MTOR: variants seen among roughly 807,000 people sequenced by gnomAD.
MTOR encodes the protein mechanistic target of rapamycin kinase, also known as serine/threonine-protein kinase mTOR.
MTOR carries 70 observed loss-of-function variants against 319.8 expected under a neutral mutation model. That is an observed-to-expected ratio of 0.22 (90% CI 0.18 to 0.27). MTOR has a LOEUF of 0.27. Among genes scored for constraint, MTOR ranks in the 10% least tolerant of loss-of-function variants. The pLI is 1.00. For synonymous variants in MTOR, 1,183 were observed against 1,211.4 expected (o/e 0.98, Z 0.49); for missense variants, 1,890 against 3,274.4 (o/e 0.58, Z 10.32).
rs924522457 is a variant in MTOR at position 11,189,422 on chromosome 1, G to A, written c.4253+9836C>T. The A allele has an allele frequency of 1.1e-5, 10 of 923,388 alleles. No homozygotes were observed. In the African/African-American group the frequency reaches 1.3e-4, roughly 12 times the overall value. 57.2% of individuals were successfully genotyped at this position (923,388 alleles called of 1,614,324 possible). A position where few individuals can be genotyped will look rare whatever the true frequency, so the allele number is the denominator to read the frequency against. On this transcript the variant is annotated intron_variant, in intron 28 of 57. Coordinates refer to ENST00000361445, the MANE Select transcript of MTOR (RefSeq NM_004958.4). ...GTCAGAGACTCAAGCTTTGAGAAAG[G>A]CTAGCAAAGAGCAAGGAAAGAGAGA... is the stretch of plus-strand genomic sequence containing the variant.
At chr1:11,148,852 C>T (rs933817653) in intron 31 of MTOR, among the ~76,000 whole-genome samples, 7 of 151,610 alleles carry the variant, frequency 4.6e-5, no homozygotes, top group Non-Finnish European at 8.8e-5. Context: ...GAGCCGAGAT[C>T]GTGCCACTGC....
intron 57 of MTOR, among the ~76,000 whole-genome samples, chr1:11,107,792 G>T (rs748318509): frequency 1.3e-5 from 2 of 152,160 alleles, no homozygotes; most frequent in Non-Finnish European, 2.9e-5. Context: ...TAGACTCCCA[G>T]ATCATAAATC....
At chr1:11,145,279 G>A (rs1027892953) in intron 32 of MTOR, 3 of 533,358 alleles carry the variant, frequency 5.6e-6, no homozygotes, top group Middle Eastern at 4.5e-4. Context: ...ATCTATCTAA[G>A]GTAACACACA....
intron 28 of MTOR, chr1:11,189,588 A>C: frequency 1.2e-6 from 2 of 1,601,220 alleles, no homozygotes; most frequent in Non-Finnish European, 8.5e-7. Flanking sequence ...AGATGCTGAA[A>C]AAGCCTCTCT....
At position 11,248,963 on chromosome 1, in the gene MTOR, C is replaced by T. The variant is rs1011920775; in HGVS notation, c.841-869G>A. ...ATCCTGAGTCAGGCGCAAGGGCTCA[C>T]GCCTGTAATCCCAGCACTTTGGGAG... On this transcript the variant is annotated intron_variant, in intron 6 of 57. Transcript: ENST00000361445. Among the ~76,000 whole-genome samples the T allele has an allele frequency of 3.9e-5, 6 of 151,918 alleles. No individual in the cohort carries two copies. In the South Asian group the frequency reaches 6.2e-4, roughly 16 times the overall value.
chr1:11,162,186 G>A (rs565584319), intron 29 of MTOR, among the ~76,000 whole-genome samples: 3 of 152,338 alleles, frequency 2.0e-5, no homozygotes, highest in Admixed American at 1.3e-4. Flanking sequence ...GGGTATCAGT[G>A]ACTGAAGATC....
In MTOR at chr1:11,121,202, G is replaced by A. The variant is rs1270093552; in HGVS notation, c.6933+44C>T. The A allele has an allele frequency of 8.7e-6, 14 of 1,607,914 alleles. No homozygotes were observed. Among genetic ancestry groups the A allele is most frequent in the Non-Finnish European group, 1.2e-5 (14 of 1,179,168 alleles). On this transcript the variant is annotated intron_variant, in intron 49 of 57. Coordinates refer to ENST00000361445, the MANE Select transcript of MTOR (RefSeq NM_004958.4). The surrounding 1 kb of genome is among the most constrained non-coding windows in gnomAD (Gnocchi z 4.9). ...ATGGGAGGGCCATCCTATTGCGAGT[G>A]GGGGTTCCAGGAGAGCGCAGGTCTG...
intron 18 of MTOR, among the ~76,000 whole-genome samples, 197 bp downstream of exon 18, chr1:11,230,728 G>A (rs1288267957): frequency 6.6e-6 from 1 of 152,178 alleles, no homozygotes; most frequent in African/African-American, 2.4e-5. Flanking sequence ...AGACAGACAT[G>A]AGGACTCTGG....
At chr1:11,122,899 G>C (rs1000825095) in intron 47 of MTOR, among the ~76,000 whole-genome samples, 4 of 152,208 alleles carry the variant, frequency 2.6e-5, no homozygotes, top group Non-Finnish European at 5.9e-5. Flanking sequence ...ATCACAGAAA[G>C]ACAGTGCACT....
chr1:11,234,048 G>A (rs1308281921), intron 14 of MTOR, 95 bp downstream of exon 14: 1 of 1,553,372 alleles, frequency 6.4e-7, no homozygotes. Context: ...CACCTACTTT[G>A]TTCAGTGTAC....
In MTOR at chr1:11,122,627, C is replaced by T. The variant is rs370726105; in HGVS notation, c.6663-501G>A. ...GGTTCACGCGATTCTCCTGCGTCAGCCTCCCGAGTAGCTGGGATTACAGAT... is the reference window on the plus strand; with the variant it reads ...GGTTCACGCGATTCTCCTGCGTCAGTCTCCCGAGTAGCTGGGATTACAGAT... On this transcript the variant is annotated intron_variant, in intron 47 of 57. Coordinates refer to ENST00000361445, the MANE Select transcript of MTOR (RefSeq NM_004958.4). 1.7e-4 allele frequency among the ~76,000 whole-genome samples: 26 copies of T among 151,886 alleles called. No individual in the cohort carries two copies. The South Asian group carries it at 5.2e-3, about 30-fold the overall frequency.
At chr1:11,167,626 G>A in intron 28 of MTOR, 109 bp from the exon 29 acceptor site, 1 of 790,096 alleles carries the variant, frequency 1.3e-6, no homozygotes. Flanking sequence ...ACAATGTCTT[G>A]CAGATGCTGA....
At chr1:11,249,562 G>T (rs1186231831) in intron 6 of MTOR, among the ~76,000 whole-genome samples, 3 of 145,018 alleles carry the variant, frequency 2.1e-5, no homozygotes, top group African/African-American at 7.5e-5. Flanking sequence ...AGAGGACCCT[G>T]CGGCCTTCCG....
intron 47 of MTOR, 72 bp downstream of exon 47, chr1:11,124,426 A>T (rs2100380063): frequency 6.4e-7 from 1 of 1,557,470 alleles, no homozygotes; most frequent in African/African-American, 1.4e-5. Context: ...ATAATACATG[A>T]CTACACGAGA....
chr1:11,212,223 G>T lies in MTOR; in HGVS notation c.3561+89C>A, dbSNP rs1646335977. 1 of 1,425,090 alleles carries T rather than the reference G, an allele frequency of 7.0e-7. No individual in the cohort carries two copies. Among genetic ancestry groups the T allele is most frequent in the Admixed American group, 2.3e-5 (1 of 43,912 alleles). 88.3% of individuals were successfully genotyped at this position (1,425,090 alleles called of 1,614,324 possible). On this transcript the variant is annotated intron_variant, in intron 23 of 57. Transcript: ENST00000361445. This position sits in a 1 kb window ranked among gnomAD's most constrained non-coding sequence, Gnocchi z 4.1. ...ATTCCACGTTCTCTGATGGTGGCTG[G>T]CATCAGACAAAGTCTGAGTGGCTCA...
rs149451678 is a variant in MTOR at position 11,139,124 on chromosome 1, C to G, written c.5130+180G>C. Reference sequence around the variant, plus strand: ...ATCAATGGTATACACACCATCTCCTCAACTATGATTCACTCTATGAAATCA... The same window carrying G: ...ATCAATGGTATACACACCATCTCCTGAACTATGATTCACTCTATGAAATCA... On this transcript the variant is annotated intron_variant, in intron 36 of 57. Transcript: ENST00000361445. The G allele has an allele frequency of 1.3e-4, 94 of 750,872 alleles. No homozygotes were observed. In the African/African-American group the frequency reaches 1.5e-3, roughly 12 times the overall value. 46.5% of individuals were successfully genotyped at this position (750,872 alleles called of 1,614,324 possible).
In MTOR at chr1:11,121,497, G is replaced by T; in HGVS notation, c.6811-129C>A. ...TCCCCATCATAGCCAAAGGAGAAGG[G>T]AAATAAGAACATGGCAAAAGGAGAA... On this transcript the variant is annotated intron_variant, in intron 48 of 57. Transcript: ENST00000361445. This position sits in a 1 kb window ranked among gnomAD's most constrained non-coding sequence, Gnocchi z 4.9. The T allele has an allele frequency of 7.8e-7, 1 of 1,280,812 alleles. No individual in the cohort carries two copies. The highest frequency in any genetic ancestry group is 1.1e-6 in the Non-Finnish European group (1 of 929,964). The allele number at this position is 1,280,812 out of a possible 1,614,324, so 79.3% of individuals were successfully genotyped here. A position where few individuals can be genotyped will look rare whatever the true frequency, so the allele number is the denominator to read the frequency against.
chr1:11,106,886 G>A lies in MTOR; in HGVS notation c.*599C>T. The A allele has an allele frequency of 7.4e-7, 1 of 1,358,108 alleles. No homozygotes were observed. Among genetic ancestry groups the A allele is most frequent in the Non-Finnish European group, 9.7e-7 (1 of 1,033,034 alleles). 84.1% of individuals were successfully genotyped at this position (1,358,108 alleles called of 1,614,324 possible). A position where few individuals can be genotyped will look rare whatever the true frequency, so the allele number is the denominator to read the frequency against. On this transcript the variant is annotated 3_prime_UTR_variant, in exon 58 of 58. Transcript: ENST00000361445. ...CCTACTAGCGGTCAGGTCTTGAATT[G>A]AAGCGTGTGAGTCGCAGCATCACTG...
intron 54 of MTOR, among the ~76,000 whole-genome samples, chr1:11,110,183 TAAAG>T (rs1251223080): frequency 1.3e-5 from 2 of 152,112 alleles, no homozygotes; most frequent in Non-Finnish European, 2.9e-5. Flanking sequence ...CAAAAACTGA[TAAAG>T]AAAATTAACT....
Sources: gnomAD v4.1 joint callset for allele counts (sites outside exome capture counted in the v4.1 genomes callset) on GRCh38, gnomAD v4.1.1 for gene constraint, Gnocchi (gnomAD v3.1) non-coding constraint, MANE v1.5 for transcripts, NCBI Gene and HGNC (gene_info 2026-07-23, HGNC 2026-07-21) for gene names.